Variants in VIM observed in about 807,000 individuals in gnomAD.
VIM encodes the protein vimentin, also known as epididymis secretory sperm binding protein.
VIM carries 18 observed loss-of-function variants against 50.3 expected under a neutral mutation model. The observed-to-expected ratio is 0.36, with a 90% confidence interval of 0.25 to 0.53. The LOEUF (loss-of-function observed/expected upper bound fraction) is 0.53. VIM is among the 20% of genes least tolerant of loss of function. The probability of loss-of-function intolerance (pLI) is 0.91; values close to 1 mark genes in which losing one functional copy is unlikely to be tolerated. For missense variants in VIM, 551 were observed against 614.7 expected (o/e 0.90, Z 1.10); for synonymous variants, 245 against 248.5 (o/e 0.99, Z 0.13).
At position 17,237,554 on chromosome 10, in the gene VIM, A is replaced by C; in HGVS notation, c.*283A>C. On this transcript the variant is annotated 3_prime_UTR_variant, in exon 10 of 10. Coordinates refer to ENST00000544301, the MANE Select transcript of VIM (RefSeq NM_003380.5). ...CTTTTTTTTTTCCAGCAAGTATCCAACCAACTTGGTTCTGCTTCAATAAAT... is the reference window on the plus strand; with the variant it reads ...CTTTTTTTTTTCCAGCAAGTATCCACCCAACTTGGTTCTGCTTCAATAAAT... The C allele has an allele frequency of 2.8e-6, 1 of 362,858 alleles. No individual in the cohort carries two copies. The highest frequency in any genetic ancestry group is 5.0e-6 in the Non-Finnish European group (1 of 200,566). The allele number at this position is 362,858 out of a possible 1,614,324, so 22.5% of individuals were successfully genotyped here.
chr10:17,236,196 T>A, intron 8 of VIM, 98 bp from the exon 9 acceptor site: 2 of 1,006,584 alleles, frequency 2.0e-6, no homozygotes, highest in Non-Finnish European at 3.2e-6. Context: ...CACAATTGCC[T>A]CTCCCCCACA....
chr10:17,233,299 T>G (rs562934124), intron 3 of VIM: 44 of 405,358 alleles, frequency 1.1e-4, no homozygotes, highest in African/African-American at 8.4e-4. Flanking sequence ...CAGTCATGAT[T>G]GAGTGCAGTT....
chr10:17,233,997 T>C lies in VIM; in HGVS notation c.882+66T>C, dbSNP rs1846843413. ...TTGTGTTCTCAAAACCCCATACCTG[T>C]GTGTGATTCCTAAATATCCTCTAGC... is the stretch of plus-strand genomic sequence containing the variant. On this transcript the variant is annotated intron_variant, in intron 5 of 9. Coordinates refer to ENST00000544301, the MANE Select transcript of VIM (RefSeq NM_003380.5). The C allele has an allele frequency of 6.4e-6, 10 of 1,554,036 alleles. No individual in the cohort carries two copies. In the Admixed American group the frequency reaches 1.8e-4, roughly 27 times the overall value.
chr10:17,229,012 T>G, intron 1 of VIM: 1 of 236,386 alleles, frequency 4.2e-6, no homozygotes, highest in Non-Finnish European at 8.4e-6. Context: ...GACCCCGCCT[T>G]TTTCAGCACC....
At chr10:17,236,505 T>C (rs1846891949) in intron 9 of VIM, 126 bp downstream of exon 9, 5 of 816,510 alleles carry the variant, frequency 6.1e-6, no homozygotes, top group Non-Finnish European at 1.0e-5. Flanking sequence ...TCATGCCTAC[T>C]AAAAAAAGAA....
At chr10:17,230,074 C>T in intron 2 of VIM, 89 bp downstream of exon 2, 1 of 1,464,318 alleles carries the variant, frequency 6.8e-7, no homozygotes, top group Non-Finnish European at 9.1e-7. Flanking sequence ...AGAGCTGCCA[C>T]GCCCTTGGGG....
chr10:17,236,007 T>C lies in VIM; in HGVS notation c.1273+118T>C. The stretch of plus-strand genomic sequence containing the variant: ...AAATGCCATATAAGAGAAAACTCTA[T>C]AAAACATCTATAATTTTCGAACCCA... On this transcript the variant is annotated intron_variant, in intron 8 of 9. Transcript: ENST00000544301. The C allele has an allele frequency of 2.9e-5, 33 of 1,141,808 alleles. 1 individual carries two copies. The South Asian group carries it at 4.3e-4, about 15-fold the overall frequency. 70.7% of individuals were successfully genotyped at this position (1,141,808 alleles called of 1,614,324 possible). A position where few individuals can be genotyped will look rare whatever the true frequency, so the allele number is the denominator to read the frequency against.
At chr10:17,232,348 C>T (rs534946246) in intron 3 of VIM, among the ~76,000 whole-genome samples, 13 of 152,200 alleles carry the variant, frequency 8.5e-5, no homozygotes, top group East Asian at 1.9e-4. Context: ...GCAATCCTCA[C>T]GCATCCTTTT....
intron 5 of VIM, among the ~76,000 whole-genome samples, chr10:17,234,348 C>G (rs1483457349): frequency 6.6e-6 from 1 of 152,162 alleles, no homozygotes; most frequent in Non-Finnish European, 1.5e-5. Context: ...CTCCTGACCT[C>G]AGGTGATCCA....
rs72099490 is a variant in VIM, at chr10:17,232,970, CAG to C, written c.625-614_625-613del. ...AAATGAATTACTTTATTTTTTGAGA[CAG>C]AGTGTCACTCTGTTGCCCAGGCTGG... On this transcript the variant is annotated intron_variant, in intron 3 of 9. Coordinates refer to ENST00000544301, the MANE Select transcript of VIM (RefSeq NM_003380.5). 1.6e-3 allele frequency among the ~76,000 whole-genome samples: 243 copies of C among 152,268 alleles called. 2 individuals are homozygous for C. The highest frequency in any genetic ancestry group is 2.7e-3 in the Non-Finnish European group (184 of 68,016).
intron 8 of VIM, 112 bp from the exon 9 acceptor site, chr10:17,236,181 CT>C: frequency 1.1e-6 from 1 of 935,120 alleles, no homozygotes. Flanking sequence ...GCGAGTAGTA[CT>C]TTACACAATT....
chr10:17,235,961 T>C (rs1235928331), intron 8 of VIM, 72 bp downstream of exon 8: 10 of 1,438,462 alleles, frequency 7.0e-6, no homozygotes, highest in East Asian at 2.3e-5. Context: ...AAAGCATTCA[T>C]TTTTTTTAGG....
In VIM at chr10:17,234,731, C is replaced by T. The variant is rs770500248; in HGVS notation, c.921C>T (p.Asp307=). 37 of 1,614,116 alleles carry T rather than the reference C, an allele frequency of 2.3e-5. No individual in the cohort carries two copies. Among genetic ancestry groups the T allele is most frequent in the Admixed American group, 1.2e-4 (7 of 60,020 alleles). Residue 307 remains aspartate, a synonymous_variant, in exon 6 of 10, where the codon GAC becomes GAT. Coordinates refer to ENST00000544301, the MANE Select transcript of VIM (RefSeq NM_003380.5). ...DLSEAANRNN[D]ALRQAKQEST... ...CTGAGGCTGCCAACCGGAACAATGA[C>T]GCCCTGCGCCAGGCAAAGCAGGAGT...
At chr10:17,231,474 G>A (rs1183950583) in intron 3 of VIM, among the ~76,000 whole-genome samples, 1 of 152,128 alleles carries the variant, frequency 6.6e-6, no homozygotes, top group African/African-American at 2.4e-5. Flanking sequence ...AGAAATAATA[G>A]GAGTCTTTGT....
Position 17,229,936 on chromosome 10 carries a change from G to C in VIM, c.514G>C (p.Glu172Gln), listed in dbSNP as rs11545550. The C allele has an allele frequency of 1.9e-6, 3 of 1,612,946 alleles. No individual in the cohort carries two copies. The highest frequency in any genetic ancestry group is 2.5e-6 in the Non-Finnish European group (3 of 1,179,842). The change falls in exon 2 of 10, where the codon GAG becomes CAG. Residue 172 changes from glutamate to glutamine, a missense_variant. By Grantham distance (29) the Glu-to-Gln change is conservative. Around this residue, in one of 3 missense-constraint regions of VIM, gnomAD observed 394 missense variants for 437.5 expected, o/e 0.90. Transcript: ENST00000544301. ...GCTAACCAACGACAAAGCCCGCGTC[G>C]AGGTGGAGCGCGACAACCTGGCCGA... ...DQLTNDKARV[E>Q]VERDNLAEDI...
At chr10:17,235,776 G>A in intron 7 of VIM, 70 bp from the exon 8 acceptor site, 2 of 1,435,278 alleles carry the variant, frequency 1.4e-6, no homozygotes, top group African/African-American at 1.4e-5. Context: ...AACAAAAAGT[G>A]TGTTAATTTG....
Position 17,230,719 on chromosome 10 carries a change from A to C in VIM, c.624+9A>C. ...TGCAATCTTTCAGACAGGTTTGTAGACTCTCTTCCCACTCGCAGCCGCCTG... is the reference window on the plus strand; with the variant it reads ...TGCAATCTTTCAGACAGGTTTGTAGCCTCTCTTCCCACTCGCAGCCGCCTG... On this transcript the variant is annotated intron_variant, in intron 3 of 9. Transcript: ENST00000544301. The C allele has an allele frequency of 1.2e-6, 2 of 1,613,772 alleles. No homozygotes were observed. The highest frequency in any genetic ancestry group is 1.7e-6 in the Non-Finnish European group (2 of 1,179,948).
intron 3 of VIM, among the ~76,000 whole-genome samples, chr10:17,232,393 A>G (rs1846813784): frequency 2.0e-5 from 3 of 152,226 alleles, no homozygotes; most frequent in Admixed American, 2.0e-4. Context: ...AAGATTACAT[A>G]TTCTGATTTG....
chr10:17,230,188 C>T (rs1429120144), intron 2 of VIM: 3 of 644,786 alleles, frequency 4.7e-6, no homozygotes, highest in Non-Finnish European at 7.9e-6. Flanking sequence ...CGCATTTCCT[C>T]CTCTGTCCCC....
Sources: allele counts gnomAD v4.1 joint callset (sites outside exome capture counted in the v4.1 genomes callset), GRCh38; gene constraint gnomAD v4.1.1; regional missense constraint gnomAD v4.1.1; transcripts MANE v1.5; gene names NCBI Gene and HGNC (gene_info 2026-07-23, HGNC 2026-07-21).